NCK2: variants seen among roughly 807,000 people sequenced by gnomAD.
NCK2 encodes the protein cytoplasmic protein NCK2.
In NCK2, 16 loss-of-function variants were observed where a neutral mutation model predicts 33.9. That is an observed-to-expected ratio of 0.47 (90% CI 0.32 to 0.72). The LOEUF is 0.72. Ranked by LOEUF, NCK2 falls within the 30% of genes least tolerant of loss-of-function variation. The pLI is 0.03. For synonymous variants in NCK2, 273 were observed against 239.9 expected, an observed-to-expected ratio of 1.14 and a Z score of -1.27; for missense variants, 418 against 537.3, an observed-to-expected ratio of 0.78 and a Z score of 2.19.
intron 1 of NCK2, among the ~76,000 whole-genome samples, chr2:105,798,363 CA>C (rs1288048600): frequency 6.6e-6 from 1 of 152,040 alleles, no homozygotes; most frequent in Non-Finnish European, 1.5e-5. Context: ...TTAGCTGAGT[CA>C]TTTTTTTTTC....
chr2:105,748,987 T>C (rs1689372214), intron 1 of NCK2, among the ~76,000 whole-genome samples: 1 of 152,210 alleles, frequency 6.6e-6, no homozygotes, highest in African/African-American at 2.4e-5. Context: ...ATTTGGTCTG[T>C]TGGCCTCTCT....
chr2:105,877,426 G>C (rs974357133), intron 3 of NCK2, among the ~76,000 whole-genome samples: 11 of 152,136 alleles, frequency 7.2e-5, no homozygotes, highest in African/African-American at 2.7e-4. Flanking sequence ...CAGCAACTTG[G>C]TCCCATTGAC....
chr2:105,889,218 G>A (rs1678857900), intron 4 of NCK2, among the ~76,000 whole-genome samples: 2 of 152,230 alleles, frequency 1.3e-5, no homozygotes, highest in South Asian at 4.1e-4. Flanking sequence ...CCATACAGCA[G>A]TGTCCCAGCT....
intron 1 of NCK2, among the ~76,000 whole-genome samples, chr2:105,773,300 G>A (rs1329144864): frequency 1.3e-5 from 2 of 151,978 alleles, no homozygotes; most frequent in East Asian, 3.9e-4. Context: ...CACTGGCTTA[G>A]TCCCCCTTGT....
rs886558727 is a variant in NCK2, at chr2:105,775,912, TACCAAA to T, written c.-201+30783_-201+30788del. Among the ~76,000 whole-genome samples the T allele has an allele frequency of 2.6e-5, 4 of 152,304 alleles. No individual in the cohort carries two copies. In the East Asian group the frequency reaches 5.8e-4, roughly 22 times the overall value. Reference sequence around the variant, plus strand: ...AAAAGTTCCTTTTTGATTTTGTGGTTACCAAAACCAAAACAAAGCACCACCACCAAC... The same window carrying T: ...AAAAGTTCCTTTTTGATTTTGTGGTTACCAAAACAAAGCACCACCACCAAC... On this transcript the variant is annotated intron_variant, in intron 1 of 4. Transcript: ENST00000233154.
chr2:105,835,769 A>G (rs1181619483), intron 2 of NCK2, among the ~76,000 whole-genome samples: 4 of 151,906 alleles, frequency 2.6e-5, no homozygotes, highest in Admixed American at 2.6e-4. Flanking sequence ...ATATGAATAT[A>G]TGTTTGCTTA....
chr2:105,772,351 CT>C (rs1323737033), intron 1 of NCK2, among the ~76,000 whole-genome samples: 1 of 152,096 alleles, frequency 6.6e-6, no homozygotes, highest in African/African-American at 2.4e-5. Context: ...TCCCATTTGC[CT>C]GTGTTTGGTC....
intron 4 of NCK2, among the ~76,000 whole-genome samples, chr2:105,884,086 G>A (rs1678619676): frequency 6.6e-6 from 1 of 152,030 alleles, no homozygotes; most frequent in Non-Finnish European, 1.5e-5. Flanking sequence ...CAAGAGCCCT[G>A]AGGTGTGTGT....
Position 105,893,248 on chromosome 2 carries a change from T to A in NCK2, c.*72T>A, listed in dbSNP as rs1679071546. 15 of 1,431,324 alleles carry A rather than the reference T, an allele frequency of 1.0e-5. No homozygotes were observed. In the South Asian group the frequency reaches 2.0e-4, roughly 19 times the overall value. 88.7% of individuals were successfully genotyped at this position (1,431,324 alleles called of 1,614,324 possible). A position where few individuals can be genotyped will look rare whatever the true frequency, so the allele number is the denominator to read the frequency against. On this transcript the variant is annotated 3_prime_UTR_variant, in exon 5 of 5. Transcript: ENST00000233154. ...GCCCGCCCGGCCTTGTGGCAGAGGCTCCTCCCGCGGGGACGGCCCCGACGG... is the reference window on the plus strand; with the variant it reads ...GCCCGCCCGGCCTTGTGGCAGAGGCACCTCCCGCGGGGACGGCCCCGACGG...
At chr2:105,746,465 G>C (rs986820913) in intron 1 of NCK2, among the ~76,000 whole-genome samples, 2 of 152,224 alleles carry the variant, frequency 1.3e-5, no homozygotes, top group African/African-American at 4.8e-5. Context: ...AGTCTCAAAA[G>C]TGACTGAAAA....
intron 2 of NCK2, among the ~76,000 whole-genome samples, chr2:105,840,909 G>A (rs150400835): frequency 5.9e-4 from 89 of 151,218 alleles, no homozygotes; most frequent in African/African-American, 2.1e-3. Context: ...GTAAAAGGCC[G>A]TGGGCATCTG....
At chr2:105,876,202 A>C (rs904099080) in intron 3 of NCK2, among the ~76,000 whole-genome samples, 23 of 152,220 alleles carry the variant, frequency 1.5e-4, no homozygotes, top group Admixed American at 7.2e-4. Context: ...GCTCAAAACC[A>C]GGTAAATTCT....
chr2:105,773,794 T>C (rs6726571), intron 1 of NCK2, among the ~76,000 whole-genome samples: 74,269 of 151,992 alleles, frequency 0.49, 19,290 homozygotes, highest in African/African-American at 0.65. Context: ...CCCCTGAGCT[T>C]GTGTCTGGCA....
intron 1 of NCK2, among the ~76,000 whole-genome samples, chr2:105,787,451 GCT>G (rs1348535462): frequency 3.9e-5 from 6 of 152,164 alleles, no homozygotes; most frequent in Non-Finnish European, 8.8e-5. Flanking sequence ...ACAGCAGAGA[GCT>G]CTCTCTGCCA....
chr2:105,832,306 C>T (rs140437208), intron 2 of NCK2, among the ~76,000 whole-genome samples: 30 of 152,242 alleles, frequency 2.0e-4, no homozygotes, highest in Middle Eastern at 6.8e-3. Context: ...TCCAGTATGA[C>T]TGCTTTTTCT....
chr2:105,889,132 CAG>C (rs1678853218), intron 4 of NCK2, among the ~76,000 whole-genome samples: 2 of 152,296 alleles, frequency 1.3e-5, no homozygotes, highest in African/African-American at 2.4e-5. Flanking sequence ...CCTCTGGAGG[CAG>C]AGTTGTTTTG....
At chr2:105,826,509 TAA>T (rs2104510816) in intron 2 of NCK2, among the ~76,000 whole-genome samples, 1 of 152,314 alleles carries the variant, frequency 6.6e-6, no homozygotes. Context: ...ATGGAAAACT[TAA>T]AGAGACTTAT....
At chr2:105,746,275 C>T (rs1359493679) in intron 1 of NCK2, among the ~76,000 whole-genome samples, 1 of 152,202 alleles carries the variant, frequency 6.6e-6, no homozygotes, top group East Asian at 1.9e-4. Context: ...GGGCCAGCTC[C>T]GTCCCTCGAC....
At position 105,893,999 on chromosome 2, in the gene NCK2, G is replaced by GCGCACA. The variant is rs140853322; in HGVS notation, c.*824_*825insGCACAC. ...CAACACTTTATACACACACACACGT[G>GCGCACA]CACACACACACACACACACACTATA... On this transcript the variant is annotated 3_prime_UTR_variant, in exon 5 of 5. Transcript: ENST00000233154. The GCGCACA allele has an allele frequency of 2.0e-5, 3 of 149,480 alleles. No homozygotes were observed. Among genetic ancestry groups the GCGCACA allele is most frequent in the East Asian group, 2.0e-4 (1 of 5,088 alleles). The allele number at this position is 149,480 out of a possible 1,614,324, so 9.3% of individuals were successfully genotyped here. A position where few individuals can be genotyped will look rare whatever the true frequency, so the allele number is the denominator to read the frequency against.
Sources: allele counts gnomAD v4.1 joint callset (sites outside exome capture counted in the v4.1 genomes callset), GRCh38; gene constraint gnomAD v4.1.1; transcripts MANE v1.5; gene names NCBI Gene and HGNC (gene_info 2026-07-23, HGNC 2026-07-21).